The following LCORL variants were observed in gnomAD, a reference collection of about 807,000 sequenced individuals.
LCORL encodes the protein ligand-dependent nuclear receptor corepressor-like protein.
In LCORL, 41 loss-of-function variants were observed where a neutral mutation model predicts 141.8. The ratio of observed to expected loss-of-function variants is 0.29; its 90% CI spans 0.23 to 0.38. The LOEUF (loss-of-function observed/expected upper bound fraction) is 0.38. Ranked by LOEUF, LCORL falls within the 10% of genes least tolerant of loss-of-function variation. The pLI is 1.00. For synonymous variants in LCORL, 618 were observed against 694.1 expected, an observed-to-expected ratio of 0.89 and a Z score of 1.72; for missense variants, 1,759 against 2,035.0, an observed-to-expected ratio of 0.86 and a Z score of 2.61.
intron 4 of LCORL, among the ~76,000 whole-genome samples, chr4:17,956,973 G>C (rs1454153725): frequency 2.0e-5 from 3 of 151,906 alleles, no homozygotes; most frequent in Non-Finnish European, 4.4e-5. Context: ...GGGATAAGAT[G>C]GTAGTCAGAA....
intron 4 of LCORL, among the ~76,000 whole-genome samples, chr4:17,941,458 CAA>C (rs757998970): frequency 1.4e-5 from 2 of 138,646 alleles, no homozygotes. Context: ...GACTCTGTCT[CAA>C]AAAAAAAAAA....
chr4:17,874,220 T>G (rs796225282), exon 7 of LCORL: 2 of 1,233,700 alleles, frequency 1.6e-6, no homozygotes, highest in Admixed American at 4.2e-5. Context: ...ATCTAGCTAT[T>G]GCTAAATTAC....
intron 5 of LCORL, among the ~76,000 whole-genome samples, chr4:17,905,455 T>C (rs1424418498): frequency 2.6e-5 from 4 of 152,122 alleles, no homozygotes; most frequent in Admixed American, 2.0e-4. Flanking sequence ...TTAAGGATTT[T>C]TGCATCTAGG....
At chr4:17,960,054 C>A (rs1713472747) in intron 4 of LCORL, among the ~76,000 whole-genome samples, 1 of 151,928 alleles carries the variant, frequency 6.6e-6, no homozygotes, top group Non-Finnish European at 1.5e-5. Context: ...TTATTGAAAG[C>A]AAATTTAAAA....
chr4:17,988,459 G>T (rs910795430), intron 1 of LCORL, among the ~76,000 whole-genome samples: 1 of 151,974 alleles, frequency 6.6e-6, no homozygotes, highest in Non-Finnish European at 1.5e-5. Context: ...TTTTAGTAGA[G>T]ACTAGGTTTC....
intron 7 of LCORL, among the ~76,000 whole-genome samples, chr4:17,865,496 A>G (rs1439104441): frequency 1.3e-5 from 2 of 152,186 alleles, no homozygotes; most frequent in South Asian, 2.1e-4. Flanking sequence ...CCCAGCCAAC[A>G]TGTCTCTAAA....
At chr4:17,852,448 A>C (rs906785233) in intron 7 of LCORL, among the ~76,000 whole-genome samples, 1 of 152,170 alleles carries the variant, frequency 6.6e-6, no homozygotes, top group East Asian at 1.9e-4. Flanking sequence ...GTGACAATTT[A>C]ATGAGAGCCA....
chr4:17,914,992 T>C (rs1733166334), intron 4 of LCORL, among the ~76,000 whole-genome samples: 1 of 152,214 alleles, frequency 6.6e-6, no homozygotes. Flanking sequence ...TTGGAGATTA[T>C]GTTATAAATG....
chr4:17,946,462 TG>T (rs777218469), intron 4 of LCORL, among the ~76,000 whole-genome samples: 3 of 152,026 alleles, frequency 2.0e-5, no homozygotes, highest in Non-Finnish European at 4.4e-5. Context: ...GAAGCAAGTA[TG>T]TATCCCATGT....
At chr4:17,902,487 G>A (rs1316784950) in intron 5 of LCORL, among the ~76,000 whole-genome samples, 1 of 152,086 alleles carries the variant, frequency 6.6e-6, no homozygotes, top group Admixed American at 6.6e-5. Context: ...AGACAATTTC[G>A]TTAGCGGACA....
chr4:17,939,622 C>T (rs1052545653), intron 4 of LCORL, among the ~76,000 whole-genome samples: 1 of 152,016 alleles, frequency 6.6e-6, no homozygotes. Flanking sequence ...TGCAATTTAA[C>T]TCTGGGTGAG....
chr4:17,946,267 T>C (rs1337935338), intron 4 of LCORL, among the ~76,000 whole-genome samples: 1 of 152,016 alleles, frequency 6.6e-6, no homozygotes, highest in Non-Finnish European at 1.5e-5. Flanking sequence ...TTTATTTCCT[T>C]GGCCTTTTAG....
At chr4:17,946,769 T>A (rs1478039913) in intron 4 of LCORL, among the ~76,000 whole-genome samples, 2 of 151,912 alleles carry the variant, frequency 1.3e-5, no homozygotes, top group African/African-American at 4.8e-5. Context: ...CATTGTGTAT[T>A]AGGAAACATA....
At chr4:17,845,602 T>C in exon 8 of LCORL, 1 of 594,062 alleles carries the variant, frequency 1.7e-6, no homozygotes, top group Non-Finnish European at 2.8e-6. Context: ...TTAATGCTAA[T>C]GATTTAATAT....
intron 4 of LCORL, chr4:17,913,016 C>A: frequency 3.8e-6 from 1 of 262,890 alleles, no homozygotes; most frequent in Non-Finnish European, 7.5e-6. Flanking sequence ...GAGGAGGAGG[C>A]CAATAAAAAG....
chr4:17,898,397 T>G (rs1384323561), intron 5 of LCORL, among the ~76,000 whole-genome samples: 1 of 152,158 alleles, frequency 6.6e-6, no homozygotes, highest in East Asian at 1.9e-4. Context: ...AAAAAAATGT[T>G]TATCCTTTGG....
At chr4:17,920,584 G>A (rs1734128221) in intron 4 of LCORL, among the ~76,000 whole-genome samples, 1 of 152,140 alleles carries the variant, frequency 6.6e-6, no homozygotes. Flanking sequence ...ACATTCCTCT[G>A]TAGCATGTGA....
exon 8 of LCORL, chr4:17,842,312 C>CAGAG: frequency 6.2e-7 from 1 of 1,611,468 alleles, no homozygotes; most frequent in African/African-American, 1.3e-5. Context: ...TCTTCAAGGA[C>CAGAG]AGAGAAAAGT....
chr4:17,901,410 G>A (rs945092918), intron 5 of LCORL, among the ~76,000 whole-genome samples: 13 of 151,866 alleles, frequency 8.6e-5, no homozygotes, highest in Admixed American at 7.2e-4. Context: ...ACAAAATCCT[G>A]AGAGTTTACT....
Sources: gnomAD v4.1 joint callset for allele counts (sites outside exome capture counted in the v4.1 genomes callset) on GRCh38, gnomAD v4.1.1 for gene constraint, MANE v1.5 for transcripts, NCBI Gene and HGNC (gene_info 2026-07-23, HGNC 2026-07-21) for gene names.